FSTL5: variants seen among roughly 807,000 people sequenced by gnomAD.
The protein encoded by FSTL5 is follistatin like 5.
A neutral mutation model predicts 89.1 loss-of-function variants in FSTL5; 62 were observed. The ratio of observed to expected loss-of-function variants is 0.70; its 90% CI spans 0.57 to 0.86. The LOEUF is 0.86. Among genes scored for constraint, FSTL5 ranks in the 40% least tolerant of loss-of-function variants. The pLI, the probability that FSTL5 is intolerant of heterozygous loss-of-function variation, is 0.00. For synonymous variants in FSTL5, 383 were observed against 346.2 expected, an observed-to-expected ratio of 1.11 and a Z score of -1.18; for missense variants, 1,057 against 1,001.6, an observed-to-expected ratio of 1.06 and a Z score of -0.75.
chr4:161,830,553 G>C (rs993478391), intron 4 of FSTL5, among the ~76,000 whole-genome samples: 3 of 147,486 alleles, frequency 2.0e-5, no homozygotes, highest in African/African-American at 8.1e-5. Context: ...TTGTGGCCTA[G>C]GAAAGATACT....
chr4:161,761,575 TTTAATACTTTACAAAC>T (rs1212007292), intron 5 of FSTL5, among the ~76,000 whole-genome samples: 1 of 152,214 alleles, frequency 6.6e-6, no homozygotes, highest in African/African-American at 2.4e-5. Flanking sequence ...TTATTTCTGT[TTTAATACTTTACAAAC>T]TTAATGTATT....
At chr4:161,780,256 TAATACAGAAG>T (rs1475421671) in intron 4 of FSTL5, among the ~76,000 whole-genome samples, 5 of 151,690 alleles carry the variant, frequency 3.3e-5, no homozygotes, top group African/African-American at 1.2e-4. Context: ...CTAGCACGGT[TAATACAGAAG>T]AAGAGACATT....
At chr4:161,431,806 C>T (rs1008461463) in intron 15 of FSTL5, among the ~76,000 whole-genome samples, 3 of 151,972 alleles carry the variant, frequency 2.0e-5, no homozygotes, top group African/African-American at 4.8e-5. Flanking sequence ...AATAAAAGAA[C>T]AGCAGTAGCT....
intron 7 of FSTL5, among the ~76,000 whole-genome samples, chr4:161,629,157 A>C (rs17343657): frequency 6.6e-6 from 1 of 151,950 alleles, no homozygotes; most frequent in Admixed American, 6.6e-5. Flanking sequence ...GCTGTCCAAC[A>C]TAAGTCTCAC....
intron 4 of FSTL5, among the ~76,000 whole-genome samples, chr4:161,843,670 C>T (rs1731279600): frequency 6.6e-6 from 1 of 151,944 alleles, no homozygotes; most frequent in Admixed American, 6.6e-5. Context: ...CTTTGACAAA[C>T]CTAACAAAAA....
chr4:162,153,751 C>CATATATATGTATACATATAT (rs1561049131), intron 1 of FSTL5, among the ~76,000 whole-genome samples: 10 of 128,744 alleles, frequency 7.8e-5, no homozygotes, highest in Admixed American at 1.6e-4. Flanking sequence ...TAATAATATA[C>CATATATATGTATACATATAT]ATGTATATAT....
At chr4:162,016,409 T>G (rs1241882015) in intron 3 of FSTL5, among the ~76,000 whole-genome samples, 2 of 152,178 alleles carry the variant, frequency 1.3e-5, no homozygotes, top group Non-Finnish European at 2.9e-5. Flanking sequence ...GAGAATCACA[T>G]CAACCCTATG....
chr4:161,573,192 T>C (rs2126588476), intron 8 of FSTL5, among the ~76,000 whole-genome samples: 1 of 151,788 alleles, frequency 6.6e-6, no homozygotes, highest in Admixed American at 6.6e-5. Context: ...AGCGAATTGC[T>C]TGAGTCAAAG....
chr4:161,481,249 G>A, intron 12 of FSTL5, 80 bp from the exon 13 acceptor site: 3 of 1,049,066 alleles, frequency 2.9e-6, no homozygotes, highest in Non-Finnish European at 4.1e-6. Context: ...TAAAATTAAT[G>A]TTTCATACTT....
chr4:161,538,597 T>C (rs1225787035), intron 9 of FSTL5, among the ~76,000 whole-genome samples: 1 of 152,152 alleles, frequency 6.6e-6, no homozygotes, highest in Non-Finnish European at 1.5e-5. Context: ...TATAATTTCA[T>C]TTATATATTT....
intron 1 of FSTL5, among the ~76,000 whole-genome samples, chr4:162,119,958 C>T (rs1731789596): frequency 6.6e-6 from 1 of 152,100 alleles, no homozygotes. Flanking sequence ...ATACACAGTA[C>T]ACTTTTTTTC....
chr4:161,893,728 C>T (rs1011153358), intron 4 of FSTL5, among the ~76,000 whole-genome samples: 5 of 152,152 alleles, frequency 3.3e-5, no homozygotes, highest in Admixed American at 2.6e-4. Context: ...TAAAACAGAA[C>T]AAATGAGCAT....
At chr4:161,676,538 G>A (rs1193768011) in intron 6 of FSTL5, among the ~76,000 whole-genome samples, 1 of 152,032 alleles carries the variant, frequency 6.6e-6, no homozygotes, top group African/African-American at 2.4e-5. Flanking sequence ...AGCATTAGGA[G>A]AAATACCTAA....
At chr4:161,665,465 C>G (rs28531077) in intron 6 of FSTL5, among the ~76,000 whole-genome samples, 1,987 of 152,224 alleles carry the variant, frequency 0.013, 33 homozygotes, top group African/African-American at 0.044. Context: ...GATCTCCTGA[C>G]CTCGTGATCT....
At chr4:161,909,299 G>GA (rs1733626071) in intron 4 of FSTL5, among the ~76,000 whole-genome samples, 1 of 152,082 alleles carries the variant, frequency 6.6e-6, no homozygotes, top group African/African-American at 2.4e-5. Context: ...TATGAGAGAT[G>GA]AAAAATAGGG....
chr4:161,463,106 C>A (rs1733636523), intron 13 of FSTL5, among the ~76,000 whole-genome samples: 1 of 152,014 alleles, frequency 6.6e-6, no homozygotes. Flanking sequence ...TGTCAGAAAG[C>A]AGTTCATGAT....
At chr4:161,810,958 T>G (rs1730118668) in intron 4 of FSTL5, among the ~76,000 whole-genome samples, 1 of 152,190 alleles carries the variant, frequency 6.6e-6, no homozygotes, top group Non-Finnish European at 1.5e-5. Flanking sequence ...AAAGTAACTA[T>G]GCGTCAGCCT....
At chr4:161,464,758 T>C (rs879208738) in intron 13 of FSTL5, among the ~76,000 whole-genome samples, 1 of 152,088 alleles carries the variant, frequency 6.6e-6, no homozygotes, top group Admixed American at 6.6e-5. Context: ...TGGCAACTAA[T>C]TATTATTATT....
At chr4:161,697,938 G>GAT (rs1553959291) in intron 6 of FSTL5, among the ~76,000 whole-genome samples, 31 of 149,640 alleles carry the variant, frequency 2.1e-4, no homozygotes, top group Non-Finnish European at 3.7e-4. Flanking sequence ...AATATGGGAA[G>GAT]GTGTGTGTGT....
Sources: gnomAD v4.1 joint callset for allele counts (sites outside exome capture counted in the v4.1 genomes callset) on GRCh38, gnomAD v4.1.1 for gene constraint, MANE v1.5 for transcripts, NCBI Gene and HGNC (gene_info 2026-07-23, HGNC 2026-07-21) for gene names.